The following IL1RAPL1 variants were observed in gnomAD, a reference collection of about 807,000 sequenced individuals.
IL1RAPL1 encodes interleukin-1 receptor accessory protein-like 1.
A neutral mutation model predicts 48.4 loss-of-function variants in IL1RAPL1; 3 were observed. The observed-to-expected ratio is 0.06, with a 90% CI of 0.03 to 0.16. IL1RAPL1 has a LOEUF of 0.16. IL1RAPL1 is among the 10% of genes least tolerant of loss of function. The probability of loss-of-function intolerance (pLI) is 1.00; values close to 1 mark genes in which losing one functional copy is unlikely to be tolerated. For synonymous variants in IL1RAPL1, 185 were observed against 187.7 expected (o/e 0.99, Z 0.12); for missense variants, 349 against 530.6 (o/e 0.66, Z 3.36).
intron 2 of IL1RAPL1, among the ~76,000 whole-genome samples, chrX:29,005,767 C>T (rs926839889): frequency 9.0e-6 from 1 of 111,326 alleles, no homozygotes; most frequent in African/African-American, 3.3e-5. Context: ...GGTTCTTAAC[C>T]ATCAAACTTT....
chrX:29,102,071 G>A (rs1928351487), intron 2 of IL1RAPL1, among the ~76,000 whole-genome samples: 1 of 111,305 alleles, frequency 9.0e-6, no homozygotes, highest in African/African-American at 3.3e-5. Context: ...AAAAACATAG[G>A]ATCATTTCAA....
intron 6 of IL1RAPL1, among the ~76,000 whole-genome samples, chrX:29,724,872 G>A (rs989846923): frequency 4.5e-5 from 5 of 111,760 alleles, no homozygotes; most frequent in African/African-American, 1.6e-4. Context: ...TGCTACTATT[G>A]TATTTGCTAA....
At chrX:29,666,296 T>C (rs1005275723) in intron 5 of IL1RAPL1, among the ~76,000 whole-genome samples, 1 of 110,362 alleles carries the variant, frequency 9.1e-6, no homozygotes, top group Non-Finnish European at 1.9e-5. Flanking sequence ...TTGGGTGAAA[T>C]ACTGATGTAT....
At chrX:29,866,869 G>A (rs1931705382) in intron 6 of IL1RAPL1, among the ~76,000 whole-genome samples, 1 of 109,965 alleles carries the variant, frequency 9.1e-6, no homozygotes, top group Non-Finnish European at 1.9e-5. Context: ...TAGAGAAAAT[G>A]TGTATGATAA....
chrX:29,600,761 C>A (rs894666121), intron 5 of IL1RAPL1, among the ~76,000 whole-genome samples: 1 of 110,801 alleles, frequency 9.0e-6, no homozygotes, highest in Non-Finnish European at 1.9e-5. Context: ...TGGGGGATAG[C>A]GGTGTGGTTC....
At chrX:29,103,747 T>C (rs1286543539) in intron 2 of IL1RAPL1, among the ~76,000 whole-genome samples, 2 of 111,522 alleles carry the variant, frequency 1.8e-5, no homozygotes, top group Non-Finnish European at 3.8e-5. Context: ...ATAACCACAA[T>C]ATACAAGGAG....
intron 1 of IL1RAPL1, among the ~76,000 whole-genome samples, chrX:28,663,811 AAAT>A (rs1934846417): frequency 8.9e-6 from 1 of 112,238 alleles, no homozygotes; most frequent in African/African-American, 3.2e-5. Flanking sequence ...ATTTAACAAA[AAAT>A]CCAATTTATG....
chrX:28,672,770 G>A (rs1265352770), intron 1 of IL1RAPL1, among the ~76,000 whole-genome samples: 3 of 111,477 alleles, frequency 2.7e-5, no homozygotes, highest in Non-Finnish European at 3.8e-5. Context: ...ATTCATTCTT[G>A]TGGGCTTTTG....
chrX:28,981,553 C>T (rs1488840363), intron 2 of IL1RAPL1, among the ~76,000 whole-genome samples: 3 of 111,936 alleles, frequency 2.7e-5, no homozygotes, highest in Non-Finnish European at 5.6e-5. Flanking sequence ...CCCTTAACAT[C>T]CCTTTGGCAA....
intron 6 of IL1RAPL1, among the ~76,000 whole-genome samples, chrX:29,739,492 G>A (rs139059125): frequency 0.035 from 3,852 of 110,623 alleles, 76 homozygotes; most frequent in Non-Finnish European, 0.056. Flanking sequence ...TTCACCCAGC[G>A]GTAACCATGG....
At chrX:29,467,733 A>G (rs752952417) in intron 5 of IL1RAPL1, among the ~76,000 whole-genome samples, 96 of 112,814 alleles carry the variant, frequency 8.5e-4, no homozygotes, top group Non-Finnish European at 1.6e-3. Flanking sequence ...AGCTGGGGCT[A>G]GAACTCTGAT....
chrX:28,976,275 A>G (rs1925205980), intron 2 of IL1RAPL1, among the ~76,000 whole-genome samples: 2 of 112,098 alleles, frequency 1.8e-5, no homozygotes, highest in East Asian at 5.6e-4. Flanking sequence ...TTATGAATCC[A>G]TTGAAATAGT....
intron 2 of IL1RAPL1, among the ~76,000 whole-genome samples, chrX:29,218,202 A>G (rs1930913190): frequency 8.9e-6 from 1 of 111,907 alleles, no homozygotes; most frequent in South Asian, 3.7e-4. Flanking sequence ...TTGGTATGAT[A>G]AGTTTTTATA....
chrX:29,797,641 G>A (rs1350982778), intron 6 of IL1RAPL1, among the ~76,000 whole-genome samples: 1 of 111,847 alleles, frequency 8.9e-6, no homozygotes, highest in Non-Finnish European at 1.9e-5. Flanking sequence ...GGGAGGCCAA[G>A]GTGGGCAGAT....
At chrX:28,642,703 G>A (rs1288588177) in intron 1 of IL1RAPL1, among the ~76,000 whole-genome samples, 1 of 111,734 alleles carries the variant, frequency 8.9e-6, no homozygotes, top group East Asian at 2.8e-4. Context: ...ACAGGAGAAA[G>A]TGGGAAAGAT....
chrX:29,554,149 G>A (rs1921916322), intron 5 of IL1RAPL1, among the ~76,000 whole-genome samples: 1 of 110,323 alleles, frequency 9.1e-6, no homozygotes, highest in Non-Finnish European at 1.9e-5. Flanking sequence ...CTAACTAGTA[G>A]AATGGAATGC....
At chrX:29,319,160 G>GTCTATCTATCTATCTATCTA (rs200758095) in intron 3 of IL1RAPL1, among the ~76,000 whole-genome samples, 6 of 84,986 alleles carry the variant, frequency 7.1e-5, no homozygotes, top group Admixed American at 1.5e-4. Context: ...CTATCTGTCT[G>GTCTATCTATCTATCTATCTA]TCTATCTATC....
chrX:29,852,692 A>G (rs185193958), intron 6 of IL1RAPL1, among the ~76,000 whole-genome samples: 4 of 111,940 alleles, frequency 3.6e-5, no homozygotes, highest in Non-Finnish European at 5.6e-5. Context: ...AGTTTTTTCA[A>G]CAGATGAATA....
intron 1 of IL1RAPL1, among the ~76,000 whole-genome samples, chrX:28,715,495 C>T (rs920434322): frequency 1.8e-5 from 2 of 109,793 alleles, no homozygotes; most frequent in East Asian, 5.8e-4. Flanking sequence ...AACTAGAGAA[C>T]CAAGAGAAAA....
Sources: allele counts gnomAD v4.1 joint callset (sites outside exome capture counted in the v4.1 genomes callset), GRCh38; gene constraint gnomAD v4.1.1; transcripts MANE v1.5; gene names NCBI Gene and HGNC (gene_info 2026-07-23, HGNC 2026-07-21).